Variants in MTERF4 observed in about 807,000 individuals in gnomAD.
MTERF4 encodes mitochondrial transcription termination factor 4, also known as transcription termination factor 4, mitochondrial.
A neutral mutation model predicts 22.5 loss-of-function variants in MTERF4; 17 were observed. That is an observed-to-expected ratio of 0.75 (90% CI 0.52 to 1.13). The LOEUF (loss-of-function observed/expected upper bound fraction) is 1.13. Among genes scored for constraint, MTERF4 ranks in the 50% most tolerant of loss-of-function variants. The pLI is 0.00. For missense variants in MTERF4, 420 were observed against 466.8 expected, an observed-to-expected ratio of 0.90 and a Z score of 0.92; for synonymous variants, 165 against 175.3, an observed-to-expected ratio of 0.94 and a Z score of 0.47.
downstream of MTERF4, chr2:241,088,511 T>A (rs2067987): frequency 0.11 from 97,914 of 889,460 alleles, 9,396 homozygotes; most frequent in East Asian, 0.33. Flanking sequence ...TCAGCACTGC[T>A]AAAGGAAGCG....
downstream of MTERF4, chr2:241,072,118 A>G (rs1019987357): frequency 1.0e-5 from 7 of 697,680 alleles, no homozygotes; most frequent in Non-Finnish European, 1.8e-5. Context: ...CTGGAGGCGC[A>G]GGCTGCTGGT....
chr2:241,062,518 C>T, the MTERF4 span, among the ~76,000 whole-genome samples: 29 of 152,240 alleles, frequency 1.9e-4, no homozygotes, highest in African/African-American at 7.0e-4. Flanking sequence ...GTCCTGTCGG[C>T]CTGAACCACT....
At chr2:241,088,520 C>T (rs1024263453), downstream of MTERF4, 18 of 830,170 alleles carry the variant, frequency 2.2e-5, no homozygotes, top group Admixed American at 1.1e-4. Context: ...CTAAAGGAAG[C>T]GCGGTCCTGT....
At chr2:241,083,973 C>A (rs1014959143), downstream of MTERF4, among the ~76,000 whole-genome samples, 1 of 148,532 alleles carries the variant, frequency 6.7e-6, no homozygotes, top group African/African-American at 2.6e-5. Context: ...TTTTGGATTA[C>A]TTTTTAGGAT....
Position 241,073,122 on chromosome 2 carries a change from A to G in MTERF4, n.3040T>C. On this transcript the variant is annotated non_coding_transcript_exon_variant, in exon 5 of 5. Transcript: ENST00000464344. The surrounding 1 kb of genome is among the most constrained non-coding windows in gnomAD (Gnocchi z 6.6). Reference sequence around the variant, plus strand: ...CAGGGGAGGCAGCTCTGGGGCCGACAGGTGCTGGGGCCACGCAGGGAGCCT... The same window carrying G: ...CAGGGGAGGCAGCTCTGGGGCCGACGGGTGCTGGGGCCACGCAGGGAGCCT... 1.6e-6 allele frequency: 1 copy of G among 617,242 alleles called. No homozygotes were observed. The highest frequency in any genetic ancestry group is 2.8e-6 in the Non-Finnish European group (1 of 352,134). The allele number at this position is 617,242 out of a possible 1,614,324, so 38.2% of individuals were successfully genotyped here.
In MTERF4 at chr2:241,073,232, C is replaced by A; in HGVS notation, n.2930G>T. 1 of 1,495,370 alleles carries A rather than the reference C, an allele frequency of 6.7e-7. No individual in the cohort carries two copies. Among genetic ancestry groups the A allele is most frequent in the Non-Finnish European group, 9.1e-7 (1 of 1,097,186 alleles). The allele number at this position is 1,495,370 out of a possible 1,614,324, so 92.6% of individuals were successfully genotyped here. A position where few individuals can be genotyped will look rare whatever the true frequency, so the allele number is the denominator to read the frequency against. ...CAGGACCATCCCGGGTGCAAAGCAG[C>A]TGCGCCGTGTGGTCACCGCCTGGCT... On this transcript the variant is annotated non_coding_transcript_exon_variant, in exon 5 of 5. Coordinates refer to the MTERF4 transcript ENST00000464344. The surrounding 1 kb of genome is among the most constrained non-coding windows in gnomAD (Gnocchi z 6.6).
At position 241,097,456 on chromosome 2, in the gene MTERF4, A is replaced by G. The variant is rs143469334; in HGVS notation, c.521-29T>C. 7.8e-3 allele frequency: 12,455 copies of G among 1,599,240 alleles called. 57 individuals are homozygous for G. The highest frequency in any genetic ancestry group is 9.6e-3 in the Non-Finnish European group (11,267 of 1,171,504). On this transcript the variant is annotated intron_variant, in intron 2 of 3. Coordinates refer to ENST00000391980, the MANE Select transcript of MTERF4 (RefSeq NM_182501.4). ...CAGAACATTCAAAAAAGGCAAGCAT[A>G]TAATTTCAGGATACTCCAGAAACTC... is the stretch of plus-strand genomic sequence containing the variant.
chr2:241,055,628 A>G, the MTERF4 span, among the ~76,000 whole-genome samples: 1 of 152,204 alleles, frequency 6.6e-6, no homozygotes. Flanking sequence ...GGCTGCTTTC[A>G]TCCTCCAGCC....
chr2:241,090,328 CAG>C, downstream of MTERF4: 2 of 1,550,234 alleles, frequency 1.3e-6, no homozygotes, highest in Non-Finnish European at 1.7e-6. Context: ...CATCGTGTCC[CAG>C]TAACACACAT....
At chr2:241,078,382 CA>C (rs60965517) in intron 4 of MTERF4, among the ~76,000 whole-genome samples, 74,154 of 115,914 alleles carry the variant, frequency 0.64, 22,255 homozygotes, top group Middle Eastern at 0.75. Context: ...GACTCCGTCT[CA>C]AAAAAAAAAA....
downstream of MTERF4, among the ~76,000 whole-genome samples, chr2:241,067,495 A>G (rs1351307099): frequency 6.6e-6 from 1 of 152,154 alleles, no homozygotes; most frequent in Non-Finnish European, 1.5e-5. Context: ...CTAAATGGAG[A>G]CTAAGACCCC....
the MTERF4 span, among the ~76,000 whole-genome samples, chr2:241,054,036 C>G: frequency 6.6e-6 from 1 of 152,186 alleles, no homozygotes; most frequent in Non-Finnish European, 1.5e-5. Context: ...CCCTGTCCCC[C>G]ACATGCCCCG....
chr2:241,090,293 TC>T (rs2063851027), downstream of MTERF4: 1 of 1,548,512 alleles, frequency 6.5e-7, no homozygotes, highest in African/African-American at 1.4e-5. Flanking sequence ...GGCAGGATCA[TC>T]CATGTCACCT....
rs2064483295 is a variant in MTERF4, at chr2:241,097,232, G to C, written c.705+11C>G. The C allele has an allele frequency of 6.2e-7, 1 of 1,613,174 alleles. No individual in the cohort carries two copies. The highest frequency in any genetic ancestry group is 1.3e-5 in the African/African-American group (1 of 75,016). On this transcript the variant is annotated intron_variant, in intron 3 of 3. Coordinates refer to ENST00000391980, the MANE Select transcript of MTERF4 (RefSeq NM_182501.4). ...TGAAACTACGCTAATCACGCTATCAGTCATTCTCACCTGAAACTTGTATTC... is the reference window on the plus strand; with the variant it reads ...TGAAACTACGCTAATCACGCTATCACTCATTCTCACCTGAAACTTGTATTC...
At chr2:241,050,136 G>GC in the MTERF4 span, 2 of 632,224 alleles carry the variant, frequency 3.2e-6, no homozygotes, top group African/African-American at 3.6e-5. Flanking sequence ...CCAGTGCCAG[G>GC]CCTGCTGGTC....
the MTERF4 span, among the ~76,000 whole-genome samples, chr2:241,056,530 C>G: frequency 1.4e-5 from 2 of 145,880 alleles, no homozygotes; most frequent in Non-Finnish European, 1.5e-5. Context: ...AACTGCAGAT[C>G]AGAGAGAAAA....
downstream of MTERF4, among the ~76,000 whole-genome samples, chr2:241,091,475 G>A (rs1194341243): frequency 2.0e-5 from 3 of 152,228 alleles, no homozygotes; most frequent in Non-Finnish European, 4.4e-5. The surrounding 1 kb of genome is among the most constrained non-coding windows in gnomAD (Gnocchi z 4.1). Context: ...GGTCCTCCCC[G>A]TGTGCACTGC....
rs912138695 is a variant in MTERF4 at position 241,073,083 on chromosome 2, T to C, written n.3079A>G. On this transcript the variant is annotated non_coding_transcript_exon_variant, in exon 5 of 5. Coordinates refer to the MTERF4 transcript ENST00000464344. The surrounding 1 kb of genome is among the most constrained non-coding windows in gnomAD (Gnocchi z 6.6). ...CCCCTCCAGAGGGTCAGCAGGAGGG[T>C]GAGGCCAGCCCTTCAGGGGAGGCAG... is the stretch of plus-strand genomic sequence containing the variant. The C allele has an allele frequency of 5.2e-5, 30 of 573,934 alleles. No homozygotes were observed. The South Asian group carries it at 6.1e-4, about 12-fold the overall frequency. The allele number at this position is 573,934 out of a possible 1,614,324, so 35.6% of individuals were successfully genotyped here. A position where few individuals can be genotyped will look rare whatever the true frequency, so the allele number is the denominator to read the frequency against.
At chr2:241,079,276 G>A (rs2063207347) in intron 4 of MTERF4, among the ~76,000 whole-genome samples, 1 of 151,674 alleles carries the variant, frequency 6.6e-6, no homozygotes, top group South Asian at 2.1e-4. Flanking sequence ...GCCGGGCGCA[G>A]TGGCAGGCGC....
Sources: allele counts gnomAD v4.1 joint callset (sites outside exome capture counted in the v4.1 genomes callset), GRCh38; gene constraint gnomAD v4.1.1; non-coding constraint Gnocchi (gnomAD v3.1); transcripts MANE v1.5; gene names NCBI Gene and HGNC (gene_info 2026-07-23, HGNC 2026-07-21).